Variants in SLC2A13 observed in about 807,000 individuals in gnomAD.
The protein encoded by SLC2A13 is solute carrier family 2 member 13, also known as proton myo-inositol cotransporter.
SLC2A13 carries 32 observed loss-of-function variants against 64.4 expected under a neutral mutation model. That is an observed-to-expected ratio of 0.50 (90% confidence interval 0.37 to 0.67). The LOEUF is 0.67. SLC2A13 is among the 30% of genes least tolerant of loss of function. SLC2A13 has a pLI of 0.00. For missense variants in SLC2A13, 743 were observed against 829.2 expected (o/e 0.90, Z 1.28); for synonymous variants, 338 against 327.1 (o/e 1.03, Z -0.36).
chr12:39,915,125 A>G (rs926454475), intron 4 of SLC2A13, among the ~76,000 whole-genome samples: 4 of 151,994 alleles, frequency 2.6e-5, no homozygotes, highest in African/African-American at 9.7e-5. Flanking sequence ...TAAAAGAATT[A>G]AAAGTGCATA....
chr12:39,961,110 GCT>G (rs1381485179), intron 3 of SLC2A13, among the ~76,000 whole-genome samples: 1 of 141,748 alleles, frequency 7.1e-6, no homozygotes, highest in African/African-American at 2.7e-5. Context: ...ACGGAGTCTC[GCT>G]CTGTCATCAG....
intron 1 of SLC2A13, among the ~76,000 whole-genome samples, chr12:40,091,770 GTTTTGTTCACC>G (rs1938776754): frequency 6.6e-6 from 1 of 152,276 alleles, no homozygotes; most frequent in South Asian, 2.1e-4. Context: ...GGACAGTCTG[GTTTTGTTCACC>G]AATCCAAAAT....
At chr12:39,802,730 T>C (rs756001122) in intron 7 of SLC2A13, among the ~76,000 whole-genome samples, 30 of 152,140 alleles carry the variant, frequency 2.0e-4, no homozygotes, top group Non-Finnish European at 5.9e-5. Context: ...GATATAAAGA[T>C]ACAGAGATAA....
chr12:39,988,675 GAAGA>G (rs1462458892), intron 3 of SLC2A13, among the ~76,000 whole-genome samples: 6 of 93,632 alleles, frequency 6.4e-5, no homozygotes, highest in African/African-American at 2.4e-4. Flanking sequence ...GGGAGGGAGG[GAAGA>G]AGGGAGGGAG....
At chr12:40,053,214 G>A (rs780267849) in intron 1 of SLC2A13, among the ~76,000 whole-genome samples, 5 of 150,464 alleles carry the variant, frequency 3.3e-5, no homozygotes, top group Non-Finnish European at 7.4e-5. Flanking sequence ...CCCGGGAGGC[G>A]GAGGTTGCAG....
At chr12:40,084,203 ACT>A (rs1467388882) in intron 1 of SLC2A13, among the ~76,000 whole-genome samples, 2 of 152,108 alleles carry the variant, frequency 1.3e-5, no homozygotes, top group African/African-American at 4.8e-5. Flanking sequence ...CAAACAGGAA[ACT>A]CTAGATCTGG....
intron 1 of SLC2A13, among the ~76,000 whole-genome samples, chr12:40,074,147 A>T (rs1212399464): frequency 7.1e-6 from 1 of 141,036 alleles, no homozygotes; most frequent in Non-Finnish European, 1.5e-5. Context: ...TGTCCAGTCT[A>T]TTAAAGCCCA....
At chr12:40,021,034 C>T (rs1391525945) in intron 3 of SLC2A13, among the ~76,000 whole-genome samples, 1 of 151,934 alleles carries the variant, frequency 6.6e-6, no homozygotes, top group Non-Finnish European at 1.5e-5. Context: ...ATTCTTTCTG[C>T]ATGGATCTTC....
chr12:39,948,997 T>C (rs948675969), intron 4 of SLC2A13, among the ~76,000 whole-genome samples: 1 of 152,152 alleles, frequency 6.6e-6, no homozygotes, highest in Non-Finnish European at 1.5e-5. Context: ...AAAAGATACA[T>C]ACATATACAC....
intron 7 of SLC2A13, among the ~76,000 whole-genome samples, chr12:39,801,758 T>TCG (rs1941799837): frequency 2.0e-5 from 3 of 152,204 alleles, no homozygotes; most frequent in African/African-American, 7.2e-5. Context: ...AGGGCGGGCT[T>TCG]AGAATCCAAA....
At chr12:39,823,279 T>C (rs968308435) in intron 7 of SLC2A13, among the ~76,000 whole-genome samples, 2 of 152,238 alleles carry the variant, frequency 1.3e-5, no homozygotes, top group Non-Finnish European at 2.9e-5. Context: ...AGCTACATTG[T>C]TATTAATTTA....
At chr12:39,885,095 C>T (rs922675440) in intron 4 of SLC2A13, among the ~76,000 whole-genome samples, 1 of 152,160 alleles carries the variant, frequency 6.6e-6, no homozygotes, top group East Asian at 1.9e-4. Context: ...AGTTGCCTTT[C>T]AGGCAGGGGG....
At chr12:39,811,965 A>T (rs1942176266) in intron 7 of SLC2A13, among the ~76,000 whole-genome samples, 1 of 152,178 alleles carries the variant, frequency 6.6e-6, no homozygotes, top group Non-Finnish European at 1.5e-5. Context: ...AGTTGGTTTA[A>T]ATCTCTAATT....
chr12:39,995,783 TAGTG>T (rs1235431293), intron 3 of SLC2A13, among the ~76,000 whole-genome samples: 4 of 152,304 alleles, frequency 2.6e-5, no homozygotes, highest in South Asian at 2.1e-4. Flanking sequence ...GTTCTCGTGA[TAGTG>T]AGTAAGTCTC....
chr12:39,858,129 T>C (rs1474821806), intron 6 of SLC2A13, among the ~76,000 whole-genome samples: 1 of 152,198 alleles, frequency 6.6e-6, no homozygotes, highest in Non-Finnish European at 1.5e-5. Context: ...TATCCTTCCA[T>C]GACAGGTGGA....
At chr12:39,932,527 C>G (rs1235031349) in intron 4 of SLC2A13, among the ~76,000 whole-genome samples, 1 of 152,140 alleles carries the variant, frequency 6.6e-6, no homozygotes, top group African/African-American at 2.4e-5. Context: ...GTGCTGGAGA[C>G]AGTTCAAAGG....
At chr12:39,816,564 G>A (rs931385115) in intron 7 of SLC2A13, among the ~76,000 whole-genome samples, 2 of 143,806 alleles carry the variant, frequency 1.4e-5, no homozygotes, top group African/African-American at 5.0e-5. Flanking sequence ...ATGTACCCTA[G>A]AACTTACTTA....
At chr12:39,851,149 C>T (rs1943455919) in intron 6 of SLC2A13, among the ~76,000 whole-genome samples, 1 of 152,128 alleles carries the variant, frequency 6.6e-6, no homozygotes, top group Non-Finnish European at 1.5e-5. Context: ...ATCCACCTGC[C>T]TTGGCCTCAC....
chr12:39,940,412 T>C (rs1054332403), intron 4 of SLC2A13, among the ~76,000 whole-genome samples: 47 of 148,074 alleles, frequency 3.2e-4, no homozygotes, highest in South Asian at 2.5e-3. Flanking sequence ...GCGTGGTAAT[T>C]TTTTTTTTTA....
Sources: allele counts gnomAD v4.1 joint callset (sites outside exome capture counted in the v4.1 genomes callset), GRCh38; gene constraint gnomAD v4.1.1; transcripts MANE v1.5; gene names NCBI Gene and HGNC (gene_info 2026-07-23, HGNC 2026-07-21).